KIF15: variants seen among roughly 807,000 people sequenced by gnomAD.
The protein encoded by KIF15 is kinesin-like protein KIF15.
A neutral mutation model predicts 190.6 loss-of-function variants in KIF15; 140 were observed. That is an observed-to-expected ratio of 0.73 (90% CI 0.64 to 0.84). The LOEUF is 0.84. Among genes scored for constraint, KIF15 ranks in the 40% least tolerant of loss-of-function variants. The pLI is 0.00. For synonymous variants in KIF15, 528 were observed against 551.3 expected (o/e 0.96, Z 0.59); for missense variants, 1,372 against 1,584.4 (o/e 0.87, Z 2.28).
At chr3:44,773,790 T>C (rs1705746050) in intron 1 of KIF15, among the ~76,000 whole-genome samples, 1 of 152,238 alleles carries the variant, frequency 6.6e-6, no homozygotes, top group African/African-American at 2.4e-5. Context: ...GCAGGATTTT[T>C]TGGTCCTTAG....
chr3:44,780,359 G>A (rs1343909378), intron 4 of KIF15, among the ~76,000 whole-genome samples: 2 of 152,070 alleles, frequency 1.3e-5, no homozygotes, highest in Non-Finnish European at 2.9e-5. Flanking sequence ...TAAATGAAGA[G>A]ATTTTAGTAT....
At chr3:44,840,649 C>T (rs1698547103) in intron 28 of KIF15, among the ~76,000 whole-genome samples, 193 bp downstream of exon 28, 1 of 143,904 alleles carries the variant, frequency 6.9e-6, no homozygotes, top group Non-Finnish European at 1.5e-5. Context: ...ATAAGCTAAG[C>T]AGCGGATTTT....
intron 26 of KIF15, 101 bp downstream of exon 26, chr3:44,831,119 A>G (rs1698049462): frequency 4.5e-6 from 6 of 1,338,460 alleles, no homozygotes; most frequent in Admixed American, 4.3e-5. Context: ...GGATTTTTAA[A>G]GAAATAATTC....
At chr3:44,763,818 G>A (rs1295916299) in intron 1 of KIF15, among the ~76,000 whole-genome samples, 3 of 152,050 alleles carry the variant, frequency 2.0e-5, no homozygotes, top group African/African-American at 7.2e-5. Flanking sequence ...CTCCCAAGTA[G>A]CTGGGACTAC....
intron 4 of KIF15, among the ~76,000 whole-genome samples, chr3:44,779,677 AC>A (rs1398184659): frequency 6.6e-6 from 1 of 152,176 alleles, no homozygotes; most frequent in African/African-American, 2.4e-5. Context: ...TACTAAAAAT[AC>A]AAAAAATTAG....
At chr3:44,823,424 G>A (rs149188954) in intron 20 of KIF15, among the ~76,000 whole-genome samples, 2,842 of 152,230 alleles carry the variant, frequency 0.019, 75 homozygotes, top group African/African-American at 0.063. Context: ...GGTGTCAGTC[G>A]GCCCCTACTG....
intron 26 of KIF15, among the ~76,000 whole-genome samples, chr3:44,837,322 T>C (rs1217075200): frequency 6.6e-6 from 1 of 152,004 alleles, no homozygotes; most frequent in Non-Finnish European, 1.5e-5. Flanking sequence ...ATTTTTTACA[T>C]ATCCTTTGAG....
At chr3:44,866,218 A>G (rs1438764666) in intron 6 of KIF15, among the ~76,000 whole-genome samples, 2 of 150,464 alleles carry the variant, frequency 1.3e-5, no homozygotes, top group African/African-American at 4.9e-5. Flanking sequence ...GACTACAGGC[A>G]CCCGCCACCA....
intron 16 of KIF15, among the ~76,000 whole-genome samples, chr3:44,807,529 C>T (rs1475889789): frequency 6.6e-6 from 1 of 152,166 alleles, no homozygotes; most frequent in East Asian, 1.9e-4. Context: ...CAGCCTGTGA[C>T]TGAAATTTTC....
In KIF15 at chr3:44,794,444, G is replaced by A; in HGVS notation, c.849+18G>A. On this transcript the variant is annotated intron_variant, in intron 8 of 34. Coordinates refer to ENST00000326047, the MANE Select transcript of KIF15 (RefSeq NM_020242.3). ...GATTGAAGGTAAGAATGAAATTATG[G>A]TCTTCAACTTGTGTGTGAGTTCTTA... 6.4e-7 allele frequency: 1 copy of A among 1,550,470 alleles called. No individual in the cohort carries two copies.
chr3:44,856,632 T>C (rs1403220622), downstream of KIF15, among the ~76,000 whole-genome samples: 1 of 152,020 alleles, frequency 6.6e-6, no homozygotes, highest in Non-Finnish European at 1.5e-5. Flanking sequence ...GGGACAGAAG[T>C]TGGAAGGCTA....
chr3:44,809,250 G>C (rs1707672501), intron 16 of KIF15, among the ~76,000 whole-genome samples: 1 of 152,016 alleles, frequency 6.6e-6, no homozygotes, highest in Non-Finnish European at 1.5e-5. Context: ...ATGTCCATTT[G>C]TATATCCTAT....
intron 27 of KIF15, among the ~76,000 whole-genome samples, chr3:44,839,740 T>C (rs968412840): frequency 6.6e-6 from 1 of 152,210 alleles, no homozygotes; most frequent in Non-Finnish European, 1.5e-5. Flanking sequence ...TGAGTTCAAC[T>C]TTTTTTGATT....
intron 25 of KIF15, among the ~76,000 whole-genome samples, chr3:44,830,411 G>C (rs1235181810): frequency 6.6e-6 from 1 of 152,154 alleles, no homozygotes; most frequent in African/African-American, 2.4e-5. Context: ...GGCAAATGTG[G>C]TGTTTTTTAG....
At chr3:44,853,695 T>C (rs1699144859), downstream of KIF15, among the ~76,000 whole-genome samples, 1 of 152,234 alleles carries the variant, frequency 6.6e-6, no homozygotes. Flanking sequence ...TTTCTCCACA[T>C]TTTCACCAAC....
intron 24 of KIF15, 26 bp downstream of exon 24, chr3:44,828,326 C>G: frequency 6.7e-7 from 1 of 1,493,990 alleles, no homozygotes; most frequent in South Asian, 1.1e-5. Context: ...AGCTACATCT[C>G]TCTGTGCATT....
chr3:44,797,467 TC>T, intron 8 of KIF15, 83 bp from the exon 9 acceptor site: 1 of 1,414,118 alleles, frequency 7.1e-7, no homozygotes, highest in Non-Finnish European at 9.7e-7. Flanking sequence ...TCCAGAATTT[TC>T]CTCTGCTAGA....
At chr3:44,812,811 C>A (rs1474763304) in intron 18 of KIF15, among the ~76,000 whole-genome samples, 1 of 152,078 alleles carries the variant, frequency 6.6e-6, no homozygotes, top group Non-Finnish European at 1.5e-5. Context: ...GTGGCGAAAC[C>A]CCGTCTCTAC....
intron 4 of KIF15, among the ~76,000 whole-genome samples, chr3:44,779,650 T>C (rs1706073259): frequency 2.0e-5 from 3 of 152,002 alleles, no homozygotes; most frequent in South Asian, 2.1e-4. Context: ...CTGGCCAAGA[T>C]GGTGAAACCC....
Sources: allele counts gnomAD v4.1 joint callset (sites outside exome capture counted in the v4.1 genomes callset), GRCh38; gene constraint gnomAD v4.1.1; transcripts MANE v1.5; gene names NCBI Gene and HGNC (gene_info 2026-07-23, HGNC 2026-07-21).